TRIM9: variants seen among roughly 807,000 people sequenced by gnomAD.
The protein encoded by TRIM9 is E3 ubiquitin-protein ligase TRIM9.
TRIM9 carries 26 observed loss-of-function variants against 78.3 expected under a neutral mutation model. That is an observed-to-expected ratio of 0.33 (90% CI 0.24 to 0.46). The LOEUF is 0.46. Among genes scored for constraint, TRIM9 ranks in the 20% least tolerant of loss-of-function variants. TRIM9 has a pLI of 1.00. For synonymous variants in TRIM9, 398 were observed against 416.5 expected (o/e 0.96, Z 0.54); for missense variants, 787 against 1,036.4 (o/e 0.76, Z 3.30).
intron 1 of TRIM9, among the ~76,000 whole-genome samples, chr14:51,030,517 G>A (rs917359538): frequency 4.6e-5 from 7 of 152,156 alleles, no homozygotes; most frequent in African/African-American, 1.7e-4. Flanking sequence ...CAAAAGAGTA[G>A]CTGGGCCTGG....
At chr14:50,993,689 C>T (rs2053828464) in intron 7 of TRIM9, among the ~76,000 whole-genome samples, 1 of 152,194 alleles carries the variant, frequency 6.6e-6, no homozygotes, top group Non-Finnish European at 1.5e-5. Context: ...CTACACAGCG[C>T]TGCTTCATTT....
intron 1 of TRIM9, among the ~76,000 whole-genome samples, chr14:51,029,347 C>G (rs959674098): frequency 6.6e-6 from 1 of 152,110 alleles, no homozygotes; most frequent in African/African-American, 2.4e-5. Flanking sequence ...CCTCCCCGGG[C>G]GTGGGGCACC....
At chr14:51,049,295 T>G (rs1161885631) in intron 1 of TRIM9, among the ~76,000 whole-genome samples, 2 of 152,118 alleles carry the variant, frequency 1.3e-5, no homozygotes, top group Non-Finnish European at 2.9e-5. Context: ...TATTTTGTTT[T>G]ACAGATTGAA....
At chr14:51,083,325 C>T (rs751878566) in intron 1 of TRIM9, among the ~76,000 whole-genome samples, 1 of 152,142 alleles carries the variant, frequency 6.6e-6, no homozygotes, top group Admixed American at 6.6e-5. Flanking sequence ...AATCATGGCT[C>T]ACTGTAATCT....
chr14:51,048,572 C>CAGAAGAGGGGA (rs11268378), intron 1 of TRIM9, among the ~76,000 whole-genome samples: 107,949 of 151,768 alleles, frequency 0.71, 38,456 homozygotes, highest in South Asian at 0.76. Flanking sequence ...GCTGGGGATC[C>CAGAAGAGGGGA]TAGGCACATA....
chr14:51,062,373 T>C (rs1596295583), intron 1 of TRIM9, among the ~76,000 whole-genome samples: 2 of 152,184 alleles, frequency 1.3e-5, no homozygotes, highest in East Asian at 3.8e-4. Context: ...TCACAACTTT[T>C]TATTGTATAC....
chr14:51,083,346 G>T (rs1009623975), intron 1 of TRIM9, among the ~76,000 whole-genome samples: 1 of 151,930 alleles, frequency 6.6e-6, no homozygotes, highest in Non-Finnish European at 1.5e-5. Flanking sequence ...CGAACTCCTG[G>T]GCTCAAGTGA....
intron 1 of TRIM9, among the ~76,000 whole-genome samples, chr14:51,049,202 C>G (rs879898467): frequency 6.6e-6 from 1 of 152,146 alleles, no homozygotes. Context: ...GCTGGGACTA[C>G]AGGCATGCGC....
chr14:51,085,338 T>C (rs929078750), intron 1 of TRIM9, among the ~76,000 whole-genome samples: 1 of 152,248 alleles, frequency 6.6e-6, no homozygotes, highest in African/African-American at 2.4e-5. Context: ...ATGTTTAGCA[T>C]TCTATTTCCA....
At chr14:51,005,200 C>T (rs1394390507) in intron 5 of TRIM9, among the ~76,000 whole-genome samples, 1 of 152,190 alleles carries the variant, frequency 6.6e-6, no homozygotes, top group Non-Finnish European at 1.5e-5. Flanking sequence ...ATTCCATCCC[C>T]GCTAACCCTC....
chr14:51,094,617 G>A lies in TRIM9; in HGVS notation c.323C>T (p.Pro108Leu). 1.9e-6 allele frequency: 3 copies of A among 1,609,128 alleles called. No homozygotes were observed. The highest frequency in any genetic ancestry group is 2.5e-6 in the Non-Finnish European group (3 of 1,177,068). The change falls in exon 1 of 13, where the codon CCA (proline) becomes CTA (leucine). Residue 108 changes from proline (P) to leucine (L), a missense_variant. By Grantham distance (98) the Pro-to-Leu change is moderately conservative (BLOSUM62 -3). Coordinates refer to ENST00000684578, the MANE Select transcript of TRIM9 (RefSeq NM_001387360.1). Reference sequence around the variant, plus strand: ...GGCCGGTGACAAGTGGGTGGCCGGTGGCGGCATAGCCGGGGGAAACACGCG... The same window carrying A: ...GGCCGGTGACAAGTGGGTGGCCGGTAGCGGCATAGCCGGGGGAAACACGCG... ...GVRVFPPAMP[P>L]PATHLSPALA...
intron 1 of TRIM9, among the ~76,000 whole-genome samples, chr14:51,036,164 C>T (rs1286884177): frequency 6.6e-6 from 1 of 152,184 alleles, no homozygotes; most frequent in African/African-American, 2.4e-5. Context: ...CAGTGAAAAC[C>T]TGCCATGTTG....
chr14:50,997,690 T>G, intron 7 of TRIM9: 1 of 1,147,468 alleles, frequency 8.7e-7, no homozygotes, highest in Non-Finnish European at 1.1e-6. Context: ...TGGCACATGA[T>G]GTGTATCGGT....
intron 7 of TRIM9, among the ~76,000 whole-genome samples, chr14:50,994,830 C>A (rs547104611): frequency 3.3e-5 from 5 of 151,994 alleles, no homozygotes; most frequent in African/African-American, 4.8e-5. Flanking sequence ...GGCTTGGGGG[C>A]CTTATTTGAA....
At chr14:51,058,420 G>A (rs1260720423) in intron 1 of TRIM9, among the ~76,000 whole-genome samples, 2 of 152,214 alleles carry the variant, frequency 1.3e-5, no homozygotes, top group African/African-American at 2.4e-5. Flanking sequence ...ATTGATTCAG[G>A]TACTTGTGAA....
chr14:51,017,757 A>G (rs1198081300), intron 3 of TRIM9, among the ~76,000 whole-genome samples: 1 of 152,218 alleles, frequency 6.6e-6, no homozygotes, highest in Non-Finnish European at 1.5e-5. Flanking sequence ...AGCAAAGAGT[A>G]CTAAGGAAGC....
chr14:51,058,166 G>C lies in TRIM9; in HGVS notation c.823-32806C>G, dbSNP rs188456663. Among the ~76,000 whole-genome samples, 17 of 152,292 alleles carry C rather than the reference G, an allele frequency of 1.1e-4. No individual in the cohort carries two copies. In the East Asian group the frequency reaches 3.1e-3, roughly 28 times the overall value. Reference sequence around the variant, plus strand: ...AATCTAGCAGCCTAAGCCAGCACTAGTCAGTCTCCCAGAGTAGTCCTGAGA... The same window carrying C: ...AATCTAGCAGCCTAAGCCAGCACTACTCAGTCTCCCAGAGTAGTCCTGAGA... On this transcript the variant is annotated intron_variant, in intron 1 of 12. Coordinates refer to ENST00000684578, the MANE Select transcript of TRIM9 (RefSeq NM_001387360.1).
chr14:51,041,244 T>G (rs901457467), intron 1 of TRIM9, among the ~76,000 whole-genome samples: 2 of 152,236 alleles, frequency 1.3e-5, no homozygotes, highest in Admixed American at 1.3e-4. Flanking sequence ...AATCTCACCA[T>G]GGGAATTAGT....
rs973790626 is a variant in TRIM9, at chr14:50,976,143, G to C, written c.*1148C>G. On this transcript the variant is annotated 3_prime_UTR_variant, in exon 13 of 13. Coordinates refer to ENST00000684578, the MANE Select transcript of TRIM9 (RefSeq NM_001387360.1). ...TTTTTTTCAACTGTCAATTTTTAAG[G>C]CGTGGTATCATAGCAGCATCAGCAA... The C allele has an allele frequency of 6.6e-6, 1 of 152,506 alleles. No individual in the cohort carries two copies. Among genetic ancestry groups the C allele is most frequent in the African/African-American group, 2.4e-5 (1 of 41,484 alleles). The allele number at this position is 152,506 out of a possible 1,614,324, so 9.4% of individuals were successfully genotyped here.
Sources: gnomAD v4.1 joint callset for allele counts (sites outside exome capture counted in the v4.1 genomes callset) on GRCh38, gnomAD v4.1.1 for gene constraint, MANE v1.5 for transcripts, NCBI Gene and HGNC (gene_info 2026-07-23, HGNC 2026-07-21) for gene names.